The following MYRF variants were observed in gnomAD, a reference collection of about 807,000 sequenced individuals.
MYRF encodes the protein myelin regulatory factor.
In MYRF, 16 loss-of-function variants were observed where a neutral mutation model predicts 126.3. That is an observed-to-expected ratio of 0.13 (90% CI 0.09 to 0.19). The LOEUF is 0.19. MYRF is among the 10% of genes least tolerant of loss of function. The pLI, the probability that MYRF is intolerant of heterozygous loss-of-function variation, is 1.00. For missense variants in MYRF, 1,104 were observed against 1,547.0 expected (o/e 0.71, Z 4.80); for synonymous variants, 608 against 635.3 (o/e 0.96, Z 0.65).
chr11:61,780,841 C>T, intron 19 of MYRF, 49 bp downstream of exon 19: 1 of 1,560,460 alleles, frequency 6.4e-7, no homozygotes, highest in Non-Finnish European at 8.6e-7. Flanking sequence ...TGCCCCTCTT[C>T]CTGCCTCCCT....
chr11:61,784,022 T>C, intron 24 of MYRF, 97 bp downstream of exon 24: 1 of 1,387,978 alleles, frequency 7.2e-7, no homozygotes, highest in Non-Finnish European at 1.0e-6. Flanking sequence ...AGCCGGAGAG[T>C]CTCTGGTATT....
intron 7 of MYRF, among the ~76,000 whole-genome samples, chr11:61,772,232 C>G (rs924108654): frequency 2.0e-5 from 3 of 152,168 alleles, no homozygotes; most frequent in African/African-American, 7.2e-5. Flanking sequence ...TCCTCCTTCC[C>G]CACCTCCTCC....
At chr11:61,784,972 A>G (rs2066656608) in intron 25 of MYRF, 1 of 152,712 alleles carries the variant, frequency 6.5e-6, no homozygotes, top group Non-Finnish European at 1.5e-5. Flanking sequence ...AGTAGTGATT[A>G]TTTTTTCTTG....
rs1305630971 is a variant in MYRF, at chr11:61,777,875, C to T, written c.1903+30C>T. On this transcript the variant is annotated intron_variant, in intron 13 of 26. Transcript: ENST00000278836. The surrounding 1 kb of genome is among the most constrained non-coding windows in gnomAD (Gnocchi z 8.8). ...GGACCGGGCTGGTGCGGACTGGGGT[C>T]CGGAAACCCAGAAACCTCGGGCCTC... is the stretch of plus-strand genomic sequence containing the variant. 1.3e-6 allele frequency: 2 copies of T among 1,533,184 alleles called. No homozygotes were observed. The highest frequency in any genetic ancestry group is 2.4e-5 in the South Asian group (2 of 83,676). The allele number at this position is 1,533,184 out of a possible 1,614,324, so 95.0% of individuals were successfully genotyped here. A position where few individuals can be genotyped will look rare whatever the true frequency, so the allele number is the denominator to read the frequency against.
At chr11:61,761,248 G>A (rs1234450361) in intron 1 of MYRF, among the ~76,000 whole-genome samples, 1 of 124,322 alleles carries the variant, frequency 8.0e-6, no homozygotes, top group African/African-American at 2.9e-5. Flanking sequence ...TCAGCCAACG[G>A]CCACAGCTGG....
chr11:61,771,856 G>C lies in MYRF; in HGVS notation c.1019G>C (p.Ser340Thr), dbSNP rs771669251. Residue 340 changes from serine (S) to threonine (T), a missense_variant, in exon 7 of 27, where the codon AGT (serine) becomes ACT (threonine). Physicochemically the swap from Ser to Thr is moderately conservative, Grantham distance 58. Transcript: ENST00000278836. ...CTCCTGCAGGACAGTGACAGCCTCA[G>C]TGGCTCCTACCTGGACCCCAACTAC... ...PGLLQDSDSL[S>T]GSYLDPNYQS... The C allele has an allele frequency of 6.2e-7, 1 of 1,614,178 alleles. No individual in the cohort carries two copies. Among genetic ancestry groups the C allele is most frequent in the Admixed American group, 1.7e-5 (1 of 60,028 alleles).
chr11:61,761,370 G>A (rs1007820691), intron 1 of MYRF, among the ~76,000 whole-genome samples: 2 of 152,118 alleles, frequency 1.3e-5, no homozygotes, highest in Non-Finnish European at 2.9e-5. Context: ...GGTGCCCTCC[G>A]TTCCTTTCCT....
In MYRF at chr11:61,757,198, C is replaced by G. The variant is rs2065780220; in HGVS notation, c.46+4408C>G. 1 of 456,766 alleles carries G rather than the reference C, an allele frequency of 2.2e-6. No homozygotes were observed. Among genetic ancestry groups the G allele is most frequent in the Non-Finnish European group, 4.4e-6 (1 of 226,984 alleles). 28.3% of individuals were successfully genotyped at this position (456,766 alleles called of 1,614,324 possible). On this transcript the variant is annotated intron_variant, in intron 1 of 26. Transcript: ENST00000278836. This position sits in a 1 kb window ranked among gnomAD's most constrained non-coding sequence, Gnocchi z 4.7. ...CCTATCTCCAGGCCTTCAGCCCCGG[C>G]TGCCACGGGGTGTGGGTACCTCTTG...
chr11:61,767,493 A>T (rs765122193), intron 3 of MYRF: 6 of 453,504 alleles, frequency 1.3e-5, no homozygotes, highest in South Asian at 9.3e-5. Flanking sequence ...CCACTCCAGG[A>T]AGGGACCCAG....
intron 21 of MYRF, 76 bp downstream of exon 21, chr11:61,781,405 G>T: frequency 1.3e-6 from 2 of 1,568,456 alleles, no homozygotes; most frequent in South Asian, 2.3e-5. Context: ...CTCATTGGTG[G>T]GAGGGTCTCC....
In MYRF at chr11:61,778,967, C is replaced by T. The variant is rs889579081; in HGVS notation, c.2014-296C>T. On this transcript the variant is annotated intron_variant, in intron 14 of 26. Coordinates refer to ENST00000278836, the MANE Select transcript of MYRF (RefSeq NM_001127392.3). The surrounding 1 kb of genome is among the most constrained non-coding windows in gnomAD (Gnocchi z 4.6). ...CGAGGGGCAGATCCCGGGGCTGCAGCCTTCAGGCTTAGGAGAGGAGAGCTC... is the reference window on the plus strand; with the variant it reads ...CGAGGGGCAGATCCCGGGGCTGCAGTCTTCAGGCTTAGGAGAGGAGAGCTC... The T allele has an allele frequency of 1.7e-5, 11 of 628,886 alleles. No individual in the cohort carries two copies. The highest frequency in any genetic ancestry group is 1.7e-4 in the South Asian group (11 of 66,100). 39.0% of individuals were successfully genotyped at this position (628,886 alleles called of 1,614,324 possible).
chr11:61,771,408 A>G (rs957221025), intron 5 of MYRF, 92 bp from the exon 6 acceptor site: 1 of 1,514,054 alleles, frequency 6.6e-7, no homozygotes, highest in African/African-American at 1.4e-5. Context: ...TCCTGGCCCA[A>G]ACAGGCTAGA....
At chr11:61,767,667 T>C (rs2066102320) in intron 3 of MYRF, among the ~76,000 whole-genome samples, 2 of 151,370 alleles carry the variant, frequency 1.3e-5, no homozygotes, top group African/African-American at 4.9e-5. Flanking sequence ...CTACAAAAAA[T>C]ACAAAAATTA....
At position 61,778,957 on chromosome 11, in the gene MYRF, G is replaced by A. The variant is rs1049592222; in HGVS notation, c.2014-306G>A. On this transcript the variant is annotated intron_variant, in intron 14 of 26. Coordinates refer to ENST00000278836, the MANE Select transcript of MYRF (RefSeq NM_001127392.3). This position sits in a 1 kb window ranked among gnomAD's most constrained non-coding sequence, Gnocchi z 4.6. ...ACCAGTCATCCGAGGGGCAGATCCCGGGGCTGCAGCCTTCAGGCTTAGGAG... is the reference window on the plus strand; with the variant it reads ...ACCAGTCATCCGAGGGGCAGATCCCAGGGCTGCAGCCTTCAGGCTTAGGAG... The A allele has an allele frequency of 7.9e-5, 49 of 617,144 alleles. No individual in the cohort carries two copies. Among genetic ancestry groups the A allele is most frequent in the Non-Finnish European group, 1.2e-4 (39 of 330,686 alleles). The allele number at this position is 617,144 out of a possible 1,614,324, so 38.2% of individuals were successfully genotyped here. A position where few individuals can be genotyped will look rare whatever the true frequency, so the allele number is the denominator to read the frequency against.
chr11:61,780,976 G>A lies in MYRF; in HGVS notation c.2503G>A (p.Gly835Arg). 1.2e-6 allele frequency: 2 copies of A among 1,610,018 alleles called. No individual in the cohort carries two copies. Among genetic ancestry groups the A allele is most frequent in the East Asian group, 4.5e-5 (2 of 44,872 alleles). ...ALCPWSSQSF[G>R]TTQLRQSPLT... ...CCCCAGCAGGTCCAGCCAGAGCTTT[G>A]GGACCACGCAGCTCCGACAGTCCCC... is the stretch of plus-strand genomic sequence containing the variant. Residue 835 changes from glycine to arginine, a missense_variant, in exon 20 of 27, where the codon GGG (glycine) becomes AGG (arginine). Gly to Arg is a moderately radical substitution (Grantham distance 125). This residue lies in a region of MYRF where 323 missense variants were observed against 383.1 expected (regional missense o/e 0.84). Transcript: ENST00000278836.
At chr11:61,772,668 G>A (rs1042610987) in intron 7 of MYRF, among the ~76,000 whole-genome samples, 5 of 152,238 alleles carry the variant, frequency 3.3e-5, no homozygotes, top group South Asian at 4.1e-4. Context: ...CTCTGGCATG[G>A]GGAGGAAACC....
chr11:61,762,690 G>A (rs1213373588), intron 1 of MYRF, among the ~76,000 whole-genome samples: 2 of 152,172 alleles, frequency 1.3e-5, no homozygotes, highest in East Asian at 1.9e-4. Context: ...TGGTTCACGG[G>A]CGGGCTGGGG....
Position 61,766,146 on chromosome 11 carries a change from G to A in MYRF, c.323G>A (p.Gly108Asp), listed in dbSNP as rs767261805. The A allele has an allele frequency of 1.5e-5, 24 of 1,611,422 alleles. No individual in the cohort carries two copies. The Admixed American group carries it at 1.7e-4, about 11-fold the overall frequency. Residue 108 changes from glycine to aspartate, a missense_variant, in exon 3 of 27, where the codon GGC becomes GAC. This residue lies in a region of MYRF where 368 missense variants were observed against 403.9 expected (regional missense o/e 0.91). Coordinates refer to ENST00000278836, the MANE Select transcript of MYRF (RefSeq NM_001127392.3). The stretch of plus-strand genomic sequence containing the variant: ...AACTGCAACAACAACAACGGCATGG[G>A]CGCTGCCCCCAAGCCCTTCCCGGGG... ...PLNCNNNNGM[G>D]AAPKPFPGGT...
Position 61,777,551 on chromosome 11 carries a change from G to A in MYRF, c.1791+87G>A. On this transcript the variant is annotated intron_variant, in intron 12 of 26. Transcript: ENST00000278836. The surrounding 1 kb of genome is among the most constrained non-coding windows in gnomAD (Gnocchi z 8.8). The stretch of plus-strand genomic sequence containing the variant: ...GCTCCTGGGGAGGGGGCGTGACTAC[G>A]CGGAAAGGCGGAGCTGCGGGGGAAG... 1 of 1,467,560 alleles carries A rather than the reference G, an allele frequency of 6.8e-7. No individual in the cohort carries two copies. The highest frequency in any genetic ancestry group is 9.2e-7 in the Non-Finnish European group (1 of 1,083,650). The allele number at this position is 1,467,560 out of a possible 1,614,324, so 90.9% of individuals were successfully genotyped here. A position where few individuals can be genotyped will look rare whatever the true frequency, so the allele number is the denominator to read the frequency against.
Sources: allele counts gnomAD v4.1 joint callset (sites outside exome capture counted in the v4.1 genomes callset), GRCh38; gene constraint gnomAD v4.1.1; regional missense constraint gnomAD v4.1.1; non-coding constraint Gnocchi (gnomAD v3.1); transcripts MANE v1.5; gene names NCBI Gene and HGNC (gene_info 2026-07-23, HGNC 2026-07-21).